The following MACROD2 variants were observed in gnomAD, a reference collection of about 807,000 sequenced individuals.
The protein encoded by MACROD2 is mono-ADP ribosylhydrolase 2, also known as ADP-ribose glycohydrolase MACROD2.
Under a neutral mutation model 70.4 loss-of-function variants are expected in MACROD2, and 36 were observed. The ratio of observed to expected loss-of-function variants is 0.51; its 90% CI spans 0.39 to 0.68. The LOEUF (loss-of-function observed/expected upper bound fraction) is 0.68. Ranked by LOEUF, MACROD2 falls within the 30% of genes least tolerant of loss-of-function variation. The pLI, the probability that MACROD2 is intolerant of heterozygous loss-of-function variation, is 0.00. For missense variants in MACROD2, 496 were observed against 538.4 expected (o/e 0.92, Z 0.78); for synonymous variants, 172 against 178.8 (o/e 0.96, Z 0.30).
chr20:14,807,524 T>A (rs1024983137), intron 5 of MACROD2, among the ~76,000 whole-genome samples: 2 of 152,030 alleles, frequency 1.3e-5, no homozygotes, highest in African/African-American at 2.4e-5. Context: ...AAAACCACAA[T>A]GCCTCTTCTC....
At chr20:14,617,964 A>G (rs999037466) in intron 4 of MACROD2, among the ~76,000 whole-genome samples, 4 of 152,144 alleles carry the variant, frequency 2.6e-5, no homozygotes, top group Admixed American at 2.0e-4. Context: ...TCACAAAGGA[A>G]GGTTTCTTCA....
At chr20:15,497,526 G>A (rs771058828) in intron 7 of MACROD2, among the ~76,000 whole-genome samples, 2 of 152,016 alleles carry the variant, frequency 1.3e-5, no homozygotes, top group Non-Finnish European at 2.9e-5. Flanking sequence ...TCCTGACCTC[G>A]TGATCCTCCC....
intron 5 of MACROD2, among the ~76,000 whole-genome samples, chr20:14,978,621 A>G (rs2423893): frequency 0.13 from 14,301 of 108,078 alleles, 904 homozygotes; most frequent in South Asian, 0.24. Context: ...TTTATTTCCC[A>G]ACCCCCCCAC....
chr20:15,225,138 A>AT (rs1568650440), intron 5 of MACROD2, among the ~76,000 whole-genome samples: 1 of 152,148 alleles, frequency 6.6e-6, no homozygotes, highest in East Asian at 1.9e-4. Context: ...TCTGAAAATA[A>AT]TTTTTTAATA....
chr20:14,076,187 T>C (rs1299329513), intron 2 of MACROD2, among the ~76,000 whole-genome samples: 1 of 152,192 alleles, frequency 6.6e-6, no homozygotes, highest in East Asian at 1.9e-4. Flanking sequence ...TTTATGTATG[T>C]ATGTTATATA....
In MACROD2 at chr20:15,363,726, GC is replaced by G. The variant is rs2078379181; in HGVS notation, c.541-67678del. Among the ~76,000 whole-genome samples the G allele has an allele frequency of 5.3e-5, 8 of 152,276 alleles. No individual in the cohort carries two copies. The South Asian group carries it at 1.7e-3, about 32-fold the overall frequency. ...TTTGGACCCACAGACTCATTTGGGA[GC>G]AACTAAAGCTCAAATTTAGTGTAAT... On this transcript the variant is annotated intron_variant, in intron 6 of 17. Transcript: ENST00000684519.
intron 5 of MACROD2, among the ~76,000 whole-genome samples, chr20:14,789,873 T>C (rs934989658): frequency 3.9e-5 from 6 of 151,978 alleles, no homozygotes; most frequent in Non-Finnish European, 7.4e-5. Flanking sequence ...ATAAATACTA[T>C]GATGAGAAAT....
At chr20:15,677,702 A>C (rs372875635) in intron 8 of MACROD2, among the ~76,000 whole-genome samples, 1 of 129,632 alleles carries the variant, frequency 7.7e-6, no homozygotes, top group African/African-American at 3.5e-5. Context: ...CAACCAACCA[A>C]CCAAATACAT....
intron 9 of MACROD2, among the ~76,000 whole-genome samples, chr20:15,874,081 A>G (rs1360276974): frequency 6.2e-5 from 1 of 16,212 alleles, no homozygotes; most frequent in South Asian, 1.7e-3. Context: ...CCACCCCCCA[A>G]CAGGCCCCAG....
intron 4 of MACROD2, among the ~76,000 whole-genome samples, chr20:14,636,675 T>C (rs1294663939): frequency 6.6e-6 from 1 of 152,226 alleles, no homozygotes; most frequent in Non-Finnish European, 1.5e-5. Context: ...AAGCCTTCTT[T>C]ATATTCTGTG....
intron 5 of MACROD2, among the ~76,000 whole-genome samples, chr20:14,861,221 G>C (rs1258550091): frequency 1.3e-5 from 2 of 152,064 alleles, no homozygotes; most frequent in South Asian, 4.1e-4. Context: ...ACCCACTTAG[G>C]CCTACCTAAA....
chr20:15,717,722 T>C (rs1167999218), intron 8 of MACROD2, among the ~76,000 whole-genome samples: 1 of 152,096 alleles, frequency 6.6e-6, no homozygotes, highest in Admixed American at 6.6e-5. Context: ...AATTGACCCT[T>C]GCATTGGGTG....
At chr20:14,530,962 C>T (rs758239366) in intron 4 of MACROD2, among the ~76,000 whole-genome samples, 11 of 152,192 alleles carry the variant, frequency 7.2e-5, no homozygotes, top group Non-Finnish European at 1.6e-4. Context: ...TGTGTACACT[C>T]AATTGGCCAA....
intron 6 of MACROD2, among the ~76,000 whole-genome samples, chr20:15,414,481 C>G (rs2046120372): frequency 6.6e-6 from 1 of 152,136 alleles, no homozygotes; most frequent in African/African-American, 2.4e-5. Flanking sequence ...CAGGTAGAAA[C>G]CGATAAAATT....
At chr20:15,811,525 A>G (rs955583473) in intron 8 of MACROD2, among the ~76,000 whole-genome samples, 5 of 152,180 alleles carry the variant, frequency 3.3e-5, no homozygotes, top group Non-Finnish European at 7.3e-5. Flanking sequence ...TTTTCTTTAT[A>G]TTGCTAACAA....
intron 3 of MACROD2, chr20:14,086,237 A>G (rs762384459): frequency 1.9e-5 from 7 of 373,310 alleles, no homozygotes. Flanking sequence ...TTTAACCAGC[A>G]TATTTTAATT....
intron 6 of MACROD2, among the ~76,000 whole-genome samples, chr20:15,322,197 A>G (rs1007204554): frequency 7.1e-6 from 1 of 141,630 alleles, no homozygotes; most frequent in African/African-American, 2.5e-5. Flanking sequence ...CTTCAGAAAT[A>G]TGTTTTTAAA....
intron 4 of MACROD2, among the ~76,000 whole-genome samples, chr20:14,635,792 C>G (rs983835009): frequency 6.6e-6 from 1 of 152,026 alleles, no homozygotes; most frequent in South Asian, 2.1e-4. Context: ...GTACAAGCAT[C>G]CTTTGAAAAA....
At chr20:15,026,793 G>A (rs971106972) in intron 5 of MACROD2, among the ~76,000 whole-genome samples, 2 of 152,050 alleles carry the variant, frequency 1.3e-5, no homozygotes, top group African/African-American at 2.4e-5. Flanking sequence ...ATGCCAATAC[G>A]CATTCAGAGC....
Sources: gnomAD v4.1 joint callset for allele counts (sites outside exome capture counted in the v4.1 genomes callset) on GRCh38, gnomAD v4.1.1 for gene constraint, MANE v1.5 for transcripts, NCBI Gene and HGNC (gene_info 2026-07-23, HGNC 2026-07-21) for gene names.